Variants in TRPM3 observed in about 807,000 individuals in gnomAD.
TRPM3 encodes long transient receptor potential channel 3.
TRPM3 carries 77 observed loss-of-function variants against 181.2 expected under a neutral mutation model. That is an observed-to-expected ratio of 0.42 (90% CI 0.35 to 0.51). The LOEUF (loss-of-function observed/expected upper bound fraction) is 0.51. Ranked by LOEUF, TRPM3 falls within the 20% of genes least tolerant of loss-of-function variation. The pLI, the probability that TRPM3 is intolerant of heterozygous loss-of-function variation, is 0.01. For synonymous variants in TRPM3, 745 were observed against 796.4 expected (o/e 0.94, Z 1.09); for missense variants, 1,759 against 2,196.7 (o/e 0.80, Z 3.98).
At chr9:71,425,933 T>G (rs2093855242) in intron 1 of TRPM3, among the ~76,000 whole-genome samples, 1 of 152,138 alleles carries the variant, frequency 6.6e-6, no homozygotes, top group South Asian at 2.1e-4. Context: ...TCCCTCTACC[T>G]GGAATGCACT....
chr9:70,977,527 C>A (rs2097316759), intron 1 of TRPM3, among the ~76,000 whole-genome samples: 1 of 152,260 alleles, frequency 6.6e-6, no homozygotes, highest in Non-Finnish European at 1.5e-5. Flanking sequence ...TGGATACCAA[C>A]TGGGCATCCT....
intron 1 of TRPM3, among the ~76,000 whole-genome samples, chr9:71,202,621 C>T (rs965151860): frequency 3.9e-5 from 6 of 152,128 alleles, no homozygotes; most frequent in African/African-American, 1.2e-4. Context: ...GATTAATGGA[C>T]CCAGGTACTC....
chr9:70,545,394 G>GC (rs2044568529), intron 25 of TRPM3, among the ~76,000 whole-genome samples: 1 of 152,128 alleles, frequency 6.6e-6, no homozygotes, highest in African/African-American at 2.4e-5. Context: ...GAGAAAGTGA[G>GC]CAGGGTAGTA....
chr9:71,195,240 C>T (rs1392727568), intron 1 of TRPM3, among the ~76,000 whole-genome samples: 1 of 151,914 alleles, frequency 6.6e-6, no homozygotes, highest in South Asian at 2.1e-4. Flanking sequence ...AATGGGAGAA[C>T]ATTTTTGCAA....
chr9:70,792,072 A>G (rs1056461229), intron 6 of TRPM3, among the ~76,000 whole-genome samples: 9 of 152,150 alleles, frequency 5.9e-5, no homozygotes, highest in Non-Finnish European at 1.0e-4. Flanking sequence ...GAAAACTCTC[A>G]TGGTGTCCGC....
chr9:71,398,440 A>G (rs2093252917), intron 1 of TRPM3, among the ~76,000 whole-genome samples: 1 of 152,190 alleles, frequency 6.6e-6, no homozygotes, highest in African/African-American at 2.4e-5. Flanking sequence ...ATGTTGAACT[A>G]TAATTCCCAA....
chr9:70,788,853 C>T, intron 6 of TRPM3, among the ~76,000 whole-genome samples: 1 of 152,072 alleles, frequency 6.6e-6, no homozygotes, highest in Non-Finnish European at 1.5e-5. Context: ...GCTCACGCTC[C>T]TATGCAGCTG....
intron 1 of TRPM3, among the ~76,000 whole-genome samples, chr9:70,944,195 G>T (rs1275895657): frequency 2.0e-5 from 3 of 152,304 alleles, no homozygotes; most frequent in Non-Finnish European, 2.9e-5. Context: ...TCACTGGAGG[G>T]CTGGAGGTGG....
chr9:70,674,881 T>A lies in TRPM3; in HGVS notation c.1345+6625A>T, dbSNP rs1020875035. Among the ~76,000 whole-genome samples the A allele has an allele frequency of 4.1e-4, 63 of 151,950 alleles. 1 individual carries two copies. The highest frequency in any genetic ancestry group is 1.3e-3 in the African/African-American group (52 of 41,502). On this transcript the variant is annotated intron_variant, in intron 9 of 25. Transcript: ENST00000677713. The stretch of plus-strand genomic sequence containing the variant: ...GCACCCAGCATATATATGAAATTTT[T>A]AAAAAATTTATCTACCTTTAAGTTT...
At chr9:70,579,548 C>T (rs1027626483) in intron 22 of TRPM3, 1 of 152,202 alleles carries the variant, frequency 6.6e-6, no homozygotes, top group African/African-American at 2.4e-5. Context: ...CCTCTCCTCT[C>T]TTCCTTTCTC....
chr9:70,532,954 A>G lies in TRPM3; in HGVS notation c.*2999T>C, dbSNP rs1306486821. ...AATGGAAGGAAATGGACTGAAAAAT[A>G]ACACACATACATGTGCACAGGAAGG... On this transcript the variant is annotated 3_prime_UTR_variant, in exon 26 of 26. Coordinates refer to ENST00000677713, the MANE Select transcript of TRPM3 (RefSeq NM_001366145.2). The G allele has an allele frequency of 6.6e-6, 1 of 152,222 alleles. No homozygotes were observed. The highest frequency in any genetic ancestry group is 1.5e-5 in the Non-Finnish European group (1 of 68,052). 9.4% of individuals were successfully genotyped at this position (152,222 alleles called of 1,614,324 possible). A position where few individuals can be genotyped will look rare whatever the true frequency, so the allele number is the denominator to read the frequency against.
intron 1 of TRPM3, among the ~76,000 whole-genome samples, chr9:71,084,689 C>A (rs914223581): frequency 5.9e-5 from 9 of 151,966 alleles, no homozygotes; most frequent in African/African-American, 1.9e-4. Flanking sequence ...ATTAAAATGG[C>A]CATGCTGCTT....
In TRPM3 at chr9:71,134,836, A is replaced by G. The variant is rs553541310; in HGVS notation, c.184-270325T>C. Among the ~76,000 whole-genome samples the G allele has an allele frequency of 1.8e-4, 27 of 152,316 alleles. 1 individual carries two copies. In the South Asian group the frequency reaches 5.6e-3, roughly 32 times the overall value. ...AGCTCAGAGTCAATACCTTGAATTA[A>G]GCTCTGTGGACTTACAGCCAGAAAA... On this transcript the variant is annotated intron_variant, in intron 1 of 24. Coordinates refer to the TRPM3 transcript ENST00000357533.
At chr9:70,589,810 C>T (rs113750594) in intron 22 of TRPM3, among the ~76,000 whole-genome samples, 233 of 152,286 alleles carry the variant, frequency 1.5e-3, no homozygotes, top group Non-Finnish European at 2.7e-3. Flanking sequence ...CAAAATCCAT[C>T]GTGGAAGAAT....
At chr9:70,832,723 T>G (rs1235411160) in intron 5 of TRPM3, among the ~76,000 whole-genome samples, 1 of 152,158 alleles carries the variant, frequency 6.6e-6, no homozygotes, top group Non-Finnish European at 1.5e-5. Context: ...AAATCAGTGA[T>G]TCAGAAGCTA....
chr9:71,188,130 C>A (rs925903143), intron 1 of TRPM3, among the ~76,000 whole-genome samples: 3 of 151,870 alleles, frequency 2.0e-5, no homozygotes, highest in African/African-American at 7.2e-5. Context: ...ATACAATACA[C>A]TTCTGGAAGG....
intron 1 of TRPM3, among the ~76,000 whole-genome samples, chr9:71,440,315 A>G (rs1169531391): frequency 6.6e-6 from 1 of 152,206 alleles, no homozygotes. Flanking sequence ...GCTCAGTTCC[A>G]GAGCCACCAT....
intron 1 of TRPM3, among the ~76,000 whole-genome samples, chr9:70,901,039 A>G (rs953334587): frequency 6.6e-6 from 1 of 152,230 alleles, no homozygotes. Flanking sequence ...CCTTAACACT[A>G]TCCTTTGCTT....
In TRPM3 at chr9:71,435,852, G is replaced by A. The variant is rs141241592; in HGVS notation, c.183+10801C>T. Among the ~76,000 whole-genome samples the A allele has an allele frequency of 2.7e-3, 418 of 152,286 alleles. 2 individuals carry two copies. Among genetic ancestry groups the A allele is most frequent in the African/African-American group, 9.2e-3 (384 of 41,556 alleles). Reference sequence around the variant, plus strand: ...CAGGTGGGCCCAATGTAATCATAAGGTTCCCTAAATGCAGAAGAGAGAGGC... The same window carrying A: ...CAGGTGGGCCCAATGTAATCATAAGATTCCCTAAATGCAGAAGAGAGAGGC... On this transcript the variant is annotated intron_variant, in intron 1 of 24. Coordinates refer to the TRPM3 transcript ENST00000357533.
Sources: gnomAD v4.1 joint callset for allele counts (sites outside exome capture counted in the v4.1 genomes callset) on GRCh38, gnomAD v4.1.1 for gene constraint, MANE v1.5 for transcripts, NCBI Gene and HGNC (gene_info 2026-07-23, HGNC 2026-07-21) for gene names.